Variants in SERGEF observed in about 807,000 individuals in gnomAD.
SERGEF encodes the protein secretion-regulating guanine nucleotide exchange factor.
Under a neutral mutation model 50.0 loss-of-function variants are expected in SERGEF, and 51 were observed. The ratio of observed to expected loss-of-function variants is 1.02; its 90% CI spans 0.81 to 1.29. The LOEUF is 1.29. Ranked by LOEUF, SERGEF falls within the 50% of genes most tolerant of loss-of-function variation. The pLI, the probability that SERGEF is intolerant of heterozygous loss-of-function variation, is 0.00. For synonymous variants in SERGEF, 205 were observed against 212.4 expected (o/e 0.97, Z 0.30); for missense variants, 521 against 557.0 (o/e 0.94, Z 0.65).
At chr11:17,855,834 G>A (rs139243491) in intron 10 of SERGEF, 1 of 152,372 alleles carries the variant, frequency 6.6e-6, no homozygotes, top group African/African-American at 2.4e-5. Context: ...CAGGTCCTCT[G>A]GCTGGCTCAC....
At chr11:17,918,717 AGT>A (rs764155975) in intron 9 of SERGEF, 127 of 454,776 alleles carry the variant, frequency 2.8e-4, no homozygotes, top group Admixed American at 4.5e-4. Context: ...CAGAGAATGA[AGT>A]GATCAATTAG....
intron 9 of SERGEF, among the ~76,000 whole-genome samples, chr11:17,955,318 C>A (rs1247140993): frequency 6.6e-6 from 1 of 152,178 alleles, no homozygotes; most frequent in Non-Finnish European, 1.5e-5. Context: ...CCTGGAAGTT[C>A]TTTGAGGGCA....
intron 9 of SERGEF, among the ~76,000 whole-genome samples, chr11:17,950,616 A>G (rs1306504654): frequency 3.3e-5 from 5 of 152,180 alleles, no homozygotes; most frequent in Admixed American, 2.0e-4. Context: ...TGAGGGTCCA[A>G]ACTAGAAGAA....
chr11:17,984,466 T>A (rs981147811), intron 8 of SERGEF, among the ~76,000 whole-genome samples: 1 of 152,116 alleles, frequency 6.6e-6, no homozygotes, highest in African/African-American at 2.4e-5. Flanking sequence ...AGAAGAATGG[T>A]ACTAAACCAT....
chr11:17,846,661 GAC>G (rs1850616571), intron 10 of SERGEF: 2 of 455,704 alleles, frequency 4.4e-6, no homozygotes, highest in Non-Finnish European at 8.8e-6. Context: ...ATGGCTCCAT[GAC>G]ACATGAACAC....
chr11:17,878,467 A>T (rs1851280472), intron 9 of SERGEF, among the ~76,000 whole-genome samples: 1 of 152,342 alleles, frequency 6.6e-6, no homozygotes, highest in African/African-American at 2.4e-5. Flanking sequence ...ATCAGATATT[A>T]AAGTTGTCTT....
rs117604308 is a variant in SERGEF at position 17,794,643 on chromosome 11, G to A, written c.1049-6230C>T. Among the ~76,000 whole-genome samples, 665 of 152,236 alleles carry A rather than the reference G, an allele frequency of 4.4e-3. 3 individuals are homozygous for A. The highest frequency in any genetic ancestry group is 5.9e-3 in the Non-Finnish European group (404 of 68,022). Reference sequence around the variant, plus strand: ...AGCACTTTGCAAATATTCATTCACCGAATCCTCACAACAAACTTGTGAAGT... The same window carrying A: ...AGCACTTTGCAAATATTCATTCACCAAATCCTCACAACAAACTTGTGAAGT... On this transcript the variant is annotated intron_variant, in intron 10 of 10. Transcript: ENST00000265965.
At chr11:17,840,278 G>T (rs2133861793) in intron 10 of SERGEF, among the ~76,000 whole-genome samples, 1 of 152,316 alleles carries the variant, frequency 6.6e-6, no homozygotes, top group Non-Finnish European at 1.5e-5. Context: ...TTTTGTGATG[G>T]TAATCGCGGT....
chr11:17,955,334 T>C (rs1208814434), intron 9 of SERGEF, among the ~76,000 whole-genome samples: 1 of 152,228 alleles, frequency 6.6e-6, no homozygotes, highest in Non-Finnish European at 1.5e-5. Flanking sequence ...GGGCAAAGAC[T>C]GTGTATTTTT....
At chr11:17,832,740 G>C (rs565090780) in intron 10 of SERGEF, among the ~76,000 whole-genome samples, 3 of 152,338 alleles carry the variant, frequency 2.0e-5, no homozygotes, top group East Asian at 1.9e-4. Flanking sequence ...TGAAGAATTT[G>C]TTGGGAACTG....
At chr11:17,972,975 A>G (rs528330960) in intron 8 of SERGEF, among the ~76,000 whole-genome samples, 4 of 152,070 alleles carry the variant, frequency 2.6e-5, no homozygotes, top group African/African-American at 9.6e-5. Flanking sequence ...CAAAATCATC[A>G]GCAGTTTCCA....
chr11:17,840,755 G>A (rs1238878675), intron 10 of SERGEF, among the ~76,000 whole-genome samples: 1 of 152,180 alleles, frequency 6.6e-6, no homozygotes, highest in African/African-American at 2.4e-5. Context: ...AAAGTCAGCA[G>A]CTCAGCATCC....
intron 10 of SERGEF, among the ~76,000 whole-genome samples, chr11:17,803,712 G>A (rs1174679582): frequency 6.6e-6 from 1 of 152,080 alleles, no homozygotes; most frequent in Non-Finnish European, 1.5e-5. Flanking sequence ...AGCCTTCCTC[G>A]ATCTGGTGTA....
At chr11:17,989,899 T>C (rs1009380254) in intron 7 of SERGEF, among the ~76,000 whole-genome samples, 17 of 152,258 alleles carry the variant, frequency 1.1e-4, no homozygotes, top group African/African-American at 3.6e-4. Context: ...GTTAAGTAGA[T>C]ATATTATTAA....
At chr11:18,012,705 C>T in intron 1 of SERGEF, 2 of 1,192,824 alleles carry the variant, frequency 1.7e-6, no homozygotes, top group Non-Finnish European at 2.2e-6. Context: ...CTTCCCGCGG[C>T]GCCACAGCCC....
intron 1 of SERGEF, among the ~76,000 whole-genome samples, chr11:18,011,387 T>C (rs757691897): frequency 1.9e-4 from 29 of 152,074 alleles, no homozygotes; most frequent in Non-Finnish European, 3.7e-4. Context: ...GAAAAGGCCA[T>C]GTGAGGACAC....
At chr11:18,007,245 G>A (rs1254313797) in intron 2 of SERGEF, among the ~76,000 whole-genome samples, 1 of 152,176 alleles carries the variant, frequency 6.6e-6, no homozygotes, top group South Asian at 2.1e-4. Flanking sequence ...CAACACAGTT[G>A]TAAAATATAA....
At chr11:17,882,968 T>C (rs778854478) in intron 9 of SERGEF, among the ~76,000 whole-genome samples, 39 of 152,148 alleles carry the variant, frequency 2.6e-4, no homozygotes, top group Non-Finnish European at 1.0e-4. Context: ...TGGGGCCTTC[T>C]GGAGAAGGGG....
intron 9 of SERGEF, among the ~76,000 whole-genome samples, chr11:17,891,579 G>GA (rs1565196402): frequency 6.6e-6 from 1 of 152,234 alleles, no homozygotes; most frequent in East Asian, 1.9e-4. Flanking sequence ...GTTAAGCCTG[G>GA]AAAAAAAGAT....
Sources: allele counts gnomAD v4.1 joint callset (sites outside exome capture counted in the v4.1 genomes callset), GRCh38; gene constraint gnomAD v4.1.1; transcripts MANE v1.5; gene names NCBI Gene and HGNC (gene_info 2026-07-23, HGNC 2026-07-21).